Variants in SLC44A1 observed in about 807,000 individuals in gnomAD.
SLC44A1 encodes the protein solute carrier family 44 member 1, also known as choline transporter-like protein 1.
Under a neutral mutation model 79.3 loss-of-function variants are expected in SLC44A1, and 26 were observed. The ratio of observed to expected loss-of-function variants is 0.33; its 90% confidence interval spans 0.24 to 0.46. The LOEUF (loss-of-function observed/expected upper bound fraction) is 0.46, where lower values mean the gene tolerates loss of function less well. Ranked by LOEUF, SLC44A1 falls within the 20% of genes least tolerant of loss-of-function variation. SLC44A1 has a pLI of 1.00. For missense variants in SLC44A1, 688 were observed against 798.1 expected, an observed-to-expected ratio of 0.86 and a Z score of 1.66; for synonymous variants, 263 against 286.2, an observed-to-expected ratio of 0.92 and a Z score of 0.82.
chr9:105,319,086 A>G (rs1826301166), intron 3 of SLC44A1, among the ~76,000 whole-genome samples: 1 of 152,164 alleles, frequency 6.6e-6, no homozygotes, highest in Non-Finnish European at 1.5e-5. Flanking sequence ...ATGGCAATCA[A>G]GTGGGTTTGC....
At chr9:105,387,052 A>ATATATATAT (rs1420631281) in intron 15 of SLC44A1, among the ~76,000 whole-genome samples, 12 of 1,268 alleles carry the variant, frequency 9.5e-3, no homozygotes, top group Admixed American at 0.016. Flanking sequence ...AAAAAAAAAA[A>ATATATATAT]AAAAAAAAAT....
rs1395956502 is a variant in SLC44A1 at position 105,396,952 on chromosome 9, A to G, written c.*7896A>G. 5 of 985,226 alleles carry G rather than the reference A, an allele frequency of 5.1e-6. No individual in the cohort carries two copies. The African/African-American group carries it at 8.7e-5, about 17-fold the overall frequency. The allele number at this position is 985,226 out of a possible 1,614,324, so 61.0% of individuals were successfully genotyped here. A position where few individuals can be genotyped will look rare whatever the true frequency, so the allele number is the denominator to read the frequency against. On this transcript the variant is annotated 3_prime_UTR_variant, in exon 16 of 16. Transcript: ENST00000374720. ...GTAGGTGCTTGAACATGCCCCACAG[A>G]CACAGTTGTAGCCCTAGTATTTGTG...
At chr9:105,323,788 G>C (rs931240148) in intron 3 of SLC44A1, among the ~76,000 whole-genome samples, 1 of 152,162 alleles carries the variant, frequency 6.6e-6, no homozygotes, top group Admixed American at 6.5e-5. Context: ...GAGGCTTTCA[G>C]GGTTCCGTTT....
intron 1 of SLC44A1, among the ~76,000 whole-genome samples, chr9:105,281,773 A>G (rs543732938): frequency 6.6e-5 from 10 of 152,350 alleles, no homozygotes; most frequent in African/African-American, 2.4e-4. Flanking sequence ...ATAGAAGATC[A>G]GCTTATTCTT....
intron 1 of SLC44A1, among the ~76,000 whole-genome samples, chr9:105,282,142 C>T (rs1251457216): frequency 1.3e-5 from 2 of 151,922 alleles, no homozygotes. Flanking sequence ...AGTGGGATGT[C>T]TTAATGACTC....
intron 15 of SLC44A1, among the ~76,000 whole-genome samples, chr9:105,410,045 G>A (rs1829075464): frequency 6.6e-6 from 1 of 151,932 alleles, no homozygotes; most frequent in African/African-American, 2.4e-5. Flanking sequence ...TAAATAACAA[G>A]GAAATTGACT....
At chr9:105,420,415 T>C (rs937650770) in intron 15 of SLC44A1, among the ~76,000 whole-genome samples, 1 of 152,172 alleles carries the variant, frequency 6.6e-6, no homozygotes, top group Non-Finnish European at 1.5e-5. Context: ...CCCGGAGACA[T>C]GTGCATGGTG....
intron 3 of SLC44A1, among the ~76,000 whole-genome samples, chr9:105,318,407 C>A (rs1826270544): frequency 6.6e-6 from 1 of 152,160 alleles, no homozygotes; most frequent in Admixed American, 6.5e-5. Flanking sequence ...TCTTGAACTC[C>A]TGACCTCAAT....
chr9:105,273,927 C>T (rs1047652085), intron 1 of SLC44A1, among the ~76,000 whole-genome samples: 7 of 152,140 alleles, frequency 4.6e-5, no homozygotes, highest in African/African-American at 1.7e-4. Context: ...CTGTTGTCTT[C>T]TGCTTTTACA....
At chr9:105,348,180 A>C (rs796721637) in intron 4 of SLC44A1, among the ~76,000 whole-genome samples, 178 bp from the exon 5 acceptor site, 55 of 152,230 alleles carry the variant, frequency 3.6e-4, no homozygotes, top group African/African-American at 1.3e-3. Flanking sequence ...ATTAATAGTA[A>C]TTTTAGAGAA....
At chr9:105,422,041 G>A (rs1829258298) in intron 15 of SLC44A1, among the ~76,000 whole-genome samples, 1 of 152,152 alleles carries the variant, frequency 6.6e-6, no homozygotes, top group African/African-American at 2.4e-5. Flanking sequence ...AGTTGAGAGA[G>A]GTGACAGCGT....
chr9:105,360,849 C>T (rs1013508256), intron 7 of SLC44A1, among the ~76,000 whole-genome samples: 22 of 152,206 alleles, frequency 1.4e-4, no homozygotes, highest in Admixed American at 9.8e-4. Context: ...CCAGCCTCCT[C>T]AGCTTAAATG....
intron 15 of SLC44A1, among the ~76,000 whole-genome samples, chr9:105,414,493 A>G (rs1829141879): frequency 6.6e-6 from 1 of 152,170 alleles, no homozygotes; most frequent in African/African-American, 2.4e-5. Context: ...TTTTTGTTGT[A>G]ATTTATTTGT....
Position 105,362,886 on chromosome 9 carries a change from C to T in SLC44A1, c.966C>T (p.His322=), listed in dbSNP as rs143807755. ...KRVALTIALF[H]VAGKVFIHLP... ...TTGCTCTTACCATCGCCTTGTTCCA[C>T]GTAGCTGGCAAGGTCTTCATTCACT... Residue 322 remains histidine (H), a synonymous_variant, in exon 9 of 16, where the codon CAC becomes CAT. Transcript: ENST00000374720. The T allele has an allele frequency of 7.1e-4, 1,139 of 1,613,678 alleles. 12 individuals are homozygous for T. The South Asian group carries it at 9.1e-3, about 13-fold the overall frequency.
In SLC44A1 at chr9:105,309,746, T is replaced by C. The variant is rs1015731209; in HGVS notation, c.149T>C (p.Ile50Thr). ...TAGGGATTTATTTGTGGCTTTTCAA[T>C]AGCAACAGGTGCAGCAGCAAGACTA... ...IGMGFICGFS[I>T]ATGAAARLVS... Residue 50 changes from isoleucine to threonine, a missense_variant, in exon 3 of 16, where the codon ATA (isoleucine) becomes ACA (threonine). Ile to Thr is a moderately conservative substitution (Grantham distance 89). Transcript: ENST00000374720. The C allele has an allele frequency of 2.5e-6, 4 of 1,613,762 alleles. No homozygotes were observed. The African/African-American group carries it at 4.0e-5, about 16-fold the overall frequency.
At chr9:105,296,557 C>T (rs1830726731) in intron 1 of SLC44A1, among the ~76,000 whole-genome samples, 1 of 152,180 alleles carries the variant, frequency 6.6e-6, no homozygotes, top group African/African-American at 2.4e-5. Context: ...TTTCTTCCCT[C>T]CCCATACATG....
rs112193147 is a variant in SLC44A1, at chr9:105,283,660, A to C, written c.37-15560A>C. 7.5e-3 allele frequency among the ~76,000 whole-genome samples: 1,142 copies of C among 152,322 alleles called. 17 individuals carry two copies. Among genetic ancestry groups the C allele is most frequent in the African/African-American group, 0.025 (1,056 of 41,570 alleles). On this transcript the variant is annotated intron_variant, in intron 1 of 15. Transcript: ENST00000374720. ...TAAAGCCAAATTATTATTATTTAAG[A>C]ACTATTACATTTATTCTTAATAGAA...
At chr9:105,248,637 A>T (rs1829510585) in intron 1 of SLC44A1, among the ~76,000 whole-genome samples, 1 of 152,250 alleles carries the variant, frequency 6.6e-6, no homozygotes, top group African/African-American at 2.4e-5. Context: ...AACACAGGAC[A>T]GTCTTTGCCT....
chr9:105,339,736 AGG>A (rs1004858542), intron 4 of SLC44A1, among the ~76,000 whole-genome samples: 5 of 152,150 alleles, frequency 3.3e-5, no homozygotes, highest in Non-Finnish European at 7.4e-5. Context: ...CTGGGGCAGG[AGG>A]ATCGCTTGAG....
Sources: gnomAD v4.1 joint callset for allele counts (sites outside exome capture counted in the v4.1 genomes callset) on GRCh38, gnomAD v4.1.1 for gene constraint, MANE v1.5 for transcripts, NCBI Gene and HGNC (gene_info 2026-07-23, HGNC 2026-07-21) for gene names.